CEP170B: variants seen among roughly 807,000 people sequenced by gnomAD.
The protein encoded by CEP170B is centrosomal protein 170B.
In CEP170B, 55 loss-of-function variants were observed where a neutral mutation model predicts 120.6. The ratio of observed to expected loss-of-function variants is 0.46; its 90% confidence interval spans 0.37 to 0.57. The LOEUF (loss-of-function observed/expected upper bound fraction) is 0.57, where lower values mean the gene tolerates loss of function less well. Ranked by LOEUF, CEP170B falls within the 20% of genes least tolerant of loss-of-function variation. The probability of loss-of-function intolerance (pLI) is 0.00; values close to 1 mark genes in which losing one functional copy is unlikely to be tolerated. For synonymous variants in CEP170B, 1,033 were observed against 954.5 expected (o/e 1.08, Z -1.52); for missense variants, 2,212 against 2,253.3 (o/e 0.98, Z 0.37).
At position 104,887,174 on chromosome 14, in the gene CEP170B, C is replaced by T. The variant is rs914250910; in HGVS notation, c.2935C>T (p.Leu979=). 6.2e-7 allele frequency: 1 copy of T among 1,607,920 alleles called. No individual in the cohort carries two copies. The highest frequency in any genetic ancestry group is 1.3e-5 in the African/African-American group (1 of 75,074). Residue 979 remains leucine (L), a synonymous_variant, in exon 12 of 19, where the codon CTG becomes TTG. Transcript: ENST00000414716. ...SGPSPTTPQP[L]RAQKEMSPSP... The stretch of plus-strand genomic sequence containing the variant: ...GCCCAGCCCCACAACCCCCCAGCCT[C>T]TGCGGGCACAGAAGGAGATGTCGCC...
intron 6 of CEP170B, among the ~76,000 whole-genome samples, 179 bp from the exon 7 acceptor site, chr14:104,882,549 C>T (rs1036736492): frequency 6.6e-6 from 1 of 152,008 alleles, no homozygotes; most frequent in African/African-American, 2.4e-5. Flanking sequence ...TGAGCCACCT[C>T]GGAACTCAAG....
chr14:104,880,515 C>T, intron 6 of CEP170B, 90 bp downstream of exon 6: 3 of 1,532,524 alleles, frequency 2.0e-6, no homozygotes, highest in African/African-American at 1.4e-5. Flanking sequence ...CCTTAACCCT[C>T]TGCATGCATA....
At position 104,880,347 on chromosome 14, in the gene CEP170B, G is replaced by A. The variant is rs200306378; in HGVS notation, c.394G>A (p.Glu132Lys). ...SVKGLAPKRS[E>K]ALPEHTPYCE... ...GAAGGGTTTGGCGCCCAAGAGGAGC[G>A]AGGCACTGCCGGAACACACACCATA... is the stretch of plus-strand genomic sequence containing the variant. Residue 132 changes from glutamate to lysine, a missense_variant, in exon 6 of 19, where the codon GAG becomes AAG. Glu to Lys is a moderately conservative substitution (Grantham distance 56, BLOSUM62 1). Transcript: ENST00000414716. 78 of 1,612,182 alleles carry A rather than the reference G, an allele frequency of 4.8e-5. No individual in the cohort carries two copies. Among genetic ancestry groups the A allele is most frequent in the Non-Finnish European group, 5.8e-5 (68 of 1,179,470 alleles).
intron 13 of CEP170B, 146 bp downstream of exon 13, chr14:104,889,904 A>AG: frequency 8.3e-6 from 1 of 120,976 alleles, no homozygotes; most frequent in Non-Finnish European, 2.1e-5. Flanking sequence ...ATGGATGGAC[A>AG]AATGGATGGA....
At chr14:104,875,150 G>A (rs1379799703) in intron 2 of CEP170B, among the ~76,000 whole-genome samples, 2 of 152,184 alleles carry the variant, frequency 1.3e-5, no homozygotes, top group African/African-American at 2.4e-5. Context: ...CAGCCTGAGG[G>A]GCCCAGGCTC....
chr14:104,891,522 G>A lies in CEP170B; in HGVS notation c.3879-1454G>A, dbSNP rs1229267858. On this transcript the variant is annotated intron_variant, in intron 13 of 18. Transcript: ENST00000414716. This position sits in a 1 kb window ranked among gnomAD's most constrained non-coding sequence, Gnocchi z 4.3. The stretch of plus-strand genomic sequence containing the variant: ...GAAGTTGGTGGGGAGGACCTGGGGG[G>A]CTTGGAAGGATGGGGACTGGGGACA... Among the ~76,000 whole-genome samples the A allele has an allele frequency of 3.3e-5, 5 of 152,224 alleles. No individual in the cohort carries two copies. Among genetic ancestry groups the A allele is most frequent in the South Asian group, 4.1e-4 (2 of 4,824 alleles).
Position 104,885,409 on chromosome 14 carries a change from C to A in CEP170B, c.1811C>A (p.Ser604Tyr). 6.4e-7 allele frequency: 1 copy of A among 1,568,472 alleles called. No homozygotes were observed. The change falls in exon 10 of 19, where the codon TCT (serine) becomes TAT (tyrosine). Residue 604 changes from serine (S) to tyrosine (Y), a missense_variant. By Grantham distance (144) the Ser-to-Tyr change is moderately radical. Transcript: ENST00000414716. ...VLESPELSRA[S>Y]SATFRPVIRG... Reference sequence around the variant, plus strand: ...GAGTCCCCTGAACTCTCCAGGGCATCTTCGGCCACCTTTCGCCCAGTCATC... The same window carrying A: ...GAGTCCCCTGAACTCTCCAGGGCATATTCGGCCACCTTTCGCCCAGTCATC...
intron 6 of CEP170B, among the ~76,000 whole-genome samples, chr14:104,881,311 A>G (rs1215793195): frequency 6.6e-6 from 1 of 152,046 alleles, no homozygotes; most frequent in Non-Finnish European, 1.5e-5. Context: ...TCCAAGCCTG[A>G]GGCCCCAGAC....
At chr14:104,878,036 C>G in intron 4 of CEP170B, 73 bp downstream of exon 4, 7 of 1,253,494 alleles carry the variant, frequency 5.6e-6, no homozygotes, top group Non-Finnish European at 8.0e-6. Flanking sequence ...CCTGTTACTC[C>G]AGAAGCAGGG....
In CEP170B at chr14:104,896,351, TC is replaced by T. The variant is rs1319944602; in HGVS notation, c.*1400del. The T allele has an allele frequency of 1.1e-4, 37 of 336,788 alleles. No homozygotes were observed. The highest frequency in any genetic ancestry group is 1.6e-4 in the South Asian group (7 of 44,686). 20.9% of individuals were successfully genotyped at this position (336,788 alleles called of 1,614,324 possible). A position where few individuals can be genotyped will look rare whatever the true frequency, so the allele number is the denominator to read the frequency against. ...TGAGGGGGGGCGGGGGTGGCAGGTGTCCCCCCCTGGTCCCCGCCCCAAGAGC... is the reference window on the plus strand; with the variant it reads ...TGAGGGGGGGCGGGGGTGGCAGGTGTCCCCCCTGGTCCCCGCCCCAAGAGC... On this transcript the variant is annotated 3_prime_UTR_variant, in exon 19 of 19. Transcript: ENST00000414716.
chr14:104,877,379 A>G (rs1895909244), intron 3 of CEP170B, among the ~76,000 whole-genome samples: 1 of 152,144 alleles, frequency 6.6e-6, no homozygotes, highest in Admixed American at 6.5e-5. Context: ...TGTGATGCCC[A>G]CAGACCTGCC....
intron 2 of CEP170B, among the ~76,000 whole-genome samples, chr14:104,871,359 C>G (rs1005001040): frequency 5.9e-5 from 9 of 151,764 alleles, no homozygotes; most frequent in Non-Finnish European, 1.0e-4. Flanking sequence ...GCCAGGGTCC[C>G]CTTCCCTCTG....
At position 104,883,006 on chromosome 14, in the gene CEP170B, C is replaced by T. The variant is rs769587313; in HGVS notation, c.578-29C>T. The stretch of plus-strand genomic sequence containing the variant: ...GTGGTGGCAGGTGGTTACCCTGAGG[C>T]CCGGTCTGAAGACATCTTCCCACAC... On this transcript the variant is annotated intron_variant, in intron 7 of 18. Transcript: ENST00000414716. 1.8e-5 allele frequency: 26 copies of T among 1,482,174 alleles called. No homozygotes were observed. The African/African-American group carries it at 3.2e-4, about 18-fold the overall frequency. The allele number at this position is 1,482,174 out of a possible 1,614,324, so 91.8% of individuals were successfully genotyped here.
Position 104,894,818 on chromosome 14 carries a change from C to T in CEP170B, c.4525C>T (p.Gln1509Ter), listed in dbSNP as rs763391681. ...GCTGGGGAAGGGCCGCGTGGCTGCC[C>T]AGAGCCCACCCTCACCCGCCTCAGC... ...PGLGKGRVAA[Q>*]SPPSPASAEA... Residue 1509 changes from glutamine (Q) to a stop codon, truncating the protein, a stop_gained, in exon 19 of 19, where the codon CAG becomes TAG. Transcript: ENST00000414716. LOFTEE classifies it low-confidence loss of function (END_TRUNC). 3 of 1,608,708 alleles carry T rather than the reference C, an allele frequency of 1.9e-6. No individual in the cohort carries two copies. The highest frequency in any genetic ancestry group is 1.7e-6 in the Non-Finnish European group (2 of 1,178,874).
At chr14:104,876,131 G>C in intron 2 of CEP170B, 125 bp from the exon 3 acceptor site, 1 of 855,062 alleles carries the variant, frequency 1.2e-6, no homozygotes, top group South Asian at 1.6e-5. Context: ...ACAGCTCTGT[G>C]GTCAGAGGCC....
chr14:104,866,753 C>T (rs1171260190), intron 1 of CEP170B, among the ~76,000 whole-genome samples: 18 of 152,188 alleles, frequency 1.2e-4, no homozygotes, highest in Admixed American at 1.2e-3. Context: ...TGGTGAAGAG[C>T]CTCAAAGCTG....
intron 6 of CEP170B, among the ~76,000 whole-genome samples, chr14:104,881,225 C>T (rs923060910): frequency 1.3e-5 from 2 of 150,684 alleles, no homozygotes; most frequent in African/African-American, 2.4e-5. Flanking sequence ...CGCGTGGGTC[C>T]GGTGGGCACA....
intron 10 of CEP170B, 80 bp from the exon 11 acceptor site, chr14:104,885,960 C>T (rs1053607800): frequency 8.6e-5 from 110 of 1,275,382 alleles, no homozygotes; most frequent in Non-Finnish European, 1.1e-4. Flanking sequence ...CTGCTCTGGA[C>T]GCCCCTCCTG....
chr14:104,884,994 G>C (rs1896393452), intron 9 of CEP170B, among the ~76,000 whole-genome samples: 1 of 131,620 alleles, frequency 7.6e-6, no homozygotes, highest in Non-Finnish European at 1.7e-5. Flanking sequence ...GCCCTCGTGG[G>C]GAATCGGGGG....
Sources: gnomAD v4.1 joint callset for allele counts (sites outside exome capture counted in the v4.1 genomes callset) on GRCh38, gnomAD v4.1.1 for gene constraint, Gnocchi (gnomAD v3.1) non-coding constraint, MANE v1.5 for transcripts, NCBI Gene and HGNC (gene_info 2026-07-23, HGNC 2026-07-21) for gene names.